The following FMO1 variants were observed in gnomAD, a reference collection of about 807,000 sequenced individuals.
FMO1 encodes the protein flavin-containing monooxygenase 1.
FMO1 carries 36 observed loss-of-function variants against 45.4 expected under a neutral mutation model. That is an observed-to-expected ratio of 0.79 (90% CI 0.61 to 1.05). FMO1 has a LOEUF of 1.05. Ranked by LOEUF, FMO1 falls within the 50% of genes least tolerant of loss-of-function variation. The pLI is 0.00. For missense variants in FMO1, 615 were observed against 640.3 expected (o/e 0.96, Z 0.43); for synonymous variants, 228 against 227.2 (o/e 1.00, Z -0.03).
At chr1:171,284,433 G>A (rs75864801) in intron 8 of FMO1, among the ~76,000 whole-genome samples, 2,063 of 152,014 alleles carry the variant, frequency 0.014, 41 homozygotes, top group African/African-American at 0.046. Context: ...TTCTTGTCAC[G>A]CATGTCAGCA....
chr1:171,270,662 T>C (rs1660816656), intron 3 of FMO1: 5 of 1,012,246 alleles, frequency 4.9e-6, no homozygotes, highest in South Asian at 4.4e-5. Context: ...CATCCCCATA[T>C]ATAACTAATT....
chr1:171,265,891 G>T (rs1341258836), intron 2 of FMO1, among the ~76,000 whole-genome samples: 2 of 152,208 alleles, frequency 1.3e-5, no homozygotes, highest in East Asian at 3.8e-4. Flanking sequence ...GCTCACAGAG[G>T]TATGTTGATT....
chr1:171,285,763 T>C lies in FMO1; in HGVS notation c.*219T>C, dbSNP rs903018776. ...ATGATAACTAAGACTTCTGTGCATT[T>C]GAAGGTTGTTGGAAAGTTACAGGTT... On this transcript the variant is annotated 3_prime_UTR_variant, in exon 9 of 9. Transcript: ENST00000617670. The C allele has an allele frequency of 1.9e-5, 7 of 364,400 alleles. No individual in the cohort carries two copies. The highest frequency in any genetic ancestry group is 4.2e-5 in the African/African-American group (2 of 48,006). 22.6% of individuals were successfully genotyped at this position (364,400 alleles called of 1,614,324 possible).
chr1:171,255,669 C>T (rs1213486744), intron 1 of FMO1, among the ~76,000 whole-genome samples: 3 of 152,138 alleles, frequency 2.0e-5, no homozygotes, highest in Non-Finnish European at 4.4e-5. Flanking sequence ...TCTCCAGGCC[C>T]CCCTCTACTG....
chr1:171,264,075 T>C (rs1383141235), intron 2 of FMO1, among the ~76,000 whole-genome samples: 1 of 152,204 alleles, frequency 6.6e-6, no homozygotes, highest in Non-Finnish European at 1.5e-5. Context: ...TTCTCATATG[T>C]TAACATCTGT....
chr1:171,256,526 G>A (rs552764338), intron 1 of FMO1, among the ~76,000 whole-genome samples: 1 of 151,874 alleles, frequency 6.6e-6, no homozygotes, highest in Non-Finnish European at 1.5e-5. Context: ...TGTCCTTCAG[G>A]GCCTAAAACA....
intron 1 of FMO1, among the ~76,000 whole-genome samples, chr1:171,250,136 T>G (rs1571318095): frequency 6.6e-6 from 1 of 152,358 alleles, no homozygotes; most frequent in East Asian, 1.9e-4. Flanking sequence ...AAATAATATT[T>G]TTATTTCATT....
At chr1:171,254,543 A>G (rs1660062496) in intron 1 of FMO1, among the ~76,000 whole-genome samples, 1 of 152,208 alleles carries the variant, frequency 6.6e-6, no homozygotes, top group African/African-American at 2.4e-5. Context: ...GCCAAAGAAA[A>G]TGCCTACTTT....
At chr1:171,250,475 G>C (rs1454822450) in intron 1 of FMO1, among the ~76,000 whole-genome samples, 1 of 152,170 alleles carries the variant, frequency 6.6e-6, no homozygotes, top group Non-Finnish European at 1.5e-5. Flanking sequence ...GTAATGACAG[G>C]CGTCACCTCA....
Position 171,285,641 on chromosome 1 carries a change from T to G in FMO1, c.*97T>G, listed in dbSNP as rs112769328. On this transcript the variant is annotated 3_prime_UTR_variant, in exon 9 of 9. Transcript: ENST00000617670. Reference sequence around the variant, plus strand: ...TTGCCTTCACAGTTATAAACTGTATTCAAATAGTAAAGGCCACCCTCTCGC... The same window carrying G: ...TTGCCTTCACAGTTATAAACTGTATGCAAATAGTAAAGGCCACCCTCTCGC... 1,200 of 716,050 alleles carry G rather than the reference T, an allele frequency of 1.7e-3. 11 individuals carry two copies. The African/African-American group carries it at 0.017, about 10-fold the overall frequency. The allele number at this position is 716,050 out of a possible 1,614,324, so 44.4% of individuals were successfully genotyped here. A position where few individuals can be genotyped will look rare whatever the true frequency, so the allele number is the denominator to read the frequency against.
intron 1 of FMO1, chr1:171,254,050 CTT>C (rs1032676141): frequency 3.3e-5 from 5 of 152,040 alleles, no homozygotes; most frequent in Non-Finnish European, 1.5e-5. Context: ...AGGAAGGAAT[CTT>C]TGACCTAGGA....
intron 4 of FMO1, among the ~76,000 whole-genome samples, chr1:171,276,200 A>G: frequency 6.6e-6 from 1 of 152,204 alleles, no homozygotes; most frequent in East Asian, 1.9e-4. Context: ...AAATCATCTA[A>G]TGATTGCCTA....
rs28384853 is a variant in FMO1, at chr1:171,257,530, T to C, written c.-6-552T>C. Among the ~76,000 whole-genome samples the C allele has an allele frequency of 2.9e-3, 439 of 152,188 alleles. 1 individual carries two copies. The highest frequency in any genetic ancestry group is 9.9e-3 in the African/African-American group (410 of 41,546). On this transcript the variant is annotated intron_variant, in intron 1 of 8. Coordinates refer to ENST00000617670, the MANE Select transcript of FMO1 (RefSeq NM_001282693.2). ...CAACAGCACAGCTGGGGCCCTGGCA[T>C]TGTGCCAGGGGCAGGATCACACAGG...
intron 1 of FMO1, among the ~76,000 whole-genome samples, chr1:171,253,676 G>A (rs1022081198): frequency 1.4e-4 from 22 of 151,982 alleles, no homozygotes; most frequent in African/African-American, 1.9e-4. Flanking sequence ...CAGGAGAATC[G>A]CTCGAACCCA....
chr1:171,264,182 T>A (rs116970815), intron 2 of FMO1, among the ~76,000 whole-genome samples: 222 of 152,206 alleles, frequency 1.5e-3, no homozygotes, highest in Non-Finnish European at 2.4e-3. Flanking sequence ...ACAGAAGGGT[T>A]ATTTTTCCCT....
rs143345009 is a variant in FMO1, at chr1:171,268,800, G to T, written c.321+1069G>T. ...AAATAAAATTTGCATTCACATTCAC[G>T]ACCTTAAAAGTCCTCTGATATGGTT... is the stretch of plus-strand genomic sequence containing the variant. On this transcript the variant is annotated intron_variant, in intron 3 of 8. Transcript: ENST00000617670. Among the ~76,000 whole-genome samples, 9 of 152,260 alleles carry T rather than the reference G, an allele frequency of 5.9e-5. No individual in the cohort carries two copies. In the East Asian group the frequency reaches 1.7e-3, roughly 29 times the overall value.
At chr1:171,269,052 C>T (rs917147485) in intron 3 of FMO1, among the ~76,000 whole-genome samples, 5 of 152,198 alleles carry the variant, frequency 3.3e-5, no homozygotes, top group African/African-American at 1.2e-4. Context: ...TTATCTTCCA[C>T]CATGATTGTG....
At chr1:171,249,213 T>C (rs1659768444) in intron 1 of FMO1, among the ~76,000 whole-genome samples, 1 of 152,148 alleles carries the variant, frequency 6.6e-6, no homozygotes, top group African/African-American at 2.4e-5. Context: ...TCTTTTTTAC[T>C]AATCCTGCTC....
chr1:171,267,783 C>G, intron 3 of FMO1, 52 bp downstream of exon 3: 7 of 1,392,332 alleles, frequency 5.0e-6, no homozygotes, highest in Non-Finnish European at 7.0e-6. Flanking sequence ...TACCTATTTT[C>G]TCTTATCTCT....
Sources: gnomAD v4.1 joint callset for allele counts (sites outside exome capture counted in the v4.1 genomes callset) on GRCh38, gnomAD v4.1.1 for gene constraint, MANE v1.5 for transcripts, NCBI Gene and HGNC (gene_info 2026-07-23, HGNC 2026-07-21) for gene names.